Variants in PDE7B observed in about 807,000 individuals in gnomAD.
PDE7B encodes the protein phosphodiesterase 7B, also known as 3',5'-cyclic-AMP phosphodiesterase 7B.
Under a neutral mutation model 56.2 loss-of-function variants are expected in PDE7B, and 29 were observed. The observed-to-expected ratio is 0.52, with a 90% confidence interval of 0.38 to 0.70. The LOEUF (loss-of-function observed/expected upper bound fraction) is 0.70, where lower values mean the gene tolerates loss of function less well. Among genes scored for constraint, PDE7B ranks in the 30% least tolerant of loss-of-function variants. The pLI is 0.00. For synonymous variants in PDE7B, 197 were observed against 196.9 expected (o/e 1.00, Z 0.00); for missense variants, 490 against 565.0 (o/e 0.87, Z 1.35).
At chr6:135,987,082 A>G (rs756207025) in intron 2 of PDE7B, among the ~76,000 whole-genome samples, 12 of 152,340 alleles carry the variant, frequency 7.9e-5, no homozygotes, top group Admixed American at 1.3e-4. Flanking sequence ...CCTTTATCCA[A>G]AATAAATTAT....
chr6:135,853,798 TA>T (rs1280032089), intron 1 of PDE7B, among the ~76,000 whole-genome samples: 1 of 152,126 alleles, frequency 6.6e-6, no homozygotes, highest in Non-Finnish European at 1.5e-5. Context: ...GGCATTAATT[TA>T]GGGAAAATAA....
intron 1 of PDE7B, among the ~76,000 whole-genome samples, chr6:135,879,761 T>C (rs1775571104): frequency 6.6e-6 from 1 of 152,162 alleles, no homozygotes; most frequent in South Asian, 2.1e-4. Context: ...GGGATAGATC[T>C]TGTGCTTATG....
At chr6:135,932,273 T>C (rs11154830) in intron 1 of PDE7B, among the ~76,000 whole-genome samples, 40,801 of 152,012 alleles carry the variant, frequency 0.27, 6,355 homozygotes, top group Admixed American at 0.44. Context: ...CAATAATTAC[T>C]CAACTATACA....
chr6:135,987,802 G>A (rs1034375367), intron 2 of PDE7B, among the ~76,000 whole-genome samples: 1 of 151,954 alleles, frequency 6.6e-6, no homozygotes, highest in Non-Finnish European at 1.5e-5. Flanking sequence ...ATGAACATTT[G>A]CTGAAGAGGA....
chr6:136,016,764 G>GA (rs574679603), intron 2 of PDE7B, among the ~76,000 whole-genome samples: 28 of 148,164 alleles, frequency 1.9e-4, no homozygotes, highest in South Asian at 1.3e-3. Context: ...ACTTCTGGGA[G>GA]AAAAAAAAAA....
intron 2 of PDE7B, among the ~76,000 whole-genome samples, chr6:136,061,723 C>T (rs1265860711): frequency 6.6e-6 from 1 of 152,104 alleles, no homozygotes; most frequent in Admixed American, 6.6e-5. Flanking sequence ...GGCATAGTAC[C>T]ATGTTGGGTA....
rs556577052 is a variant in PDE7B at position 136,071,628 on chromosome 6, T to G, written c.83-37103T>G. ...CAGTTTTCTTACTGGAAAAATTATG[T>G]TAAAATTATATCACTCTAGCCAAGT... On this transcript the variant is annotated intron_variant, in intron 2 of 12. Coordinates refer to ENST00000308191, the MANE Select transcript of PDE7B (RefSeq NM_018945.4). 5.9e-5 allele frequency among the ~76,000 whole-genome samples: 9 copies of G among 152,288 alleles called. No homozygotes were observed. In the East Asian group the frequency reaches 1.7e-3, roughly 29 times the overall value.
chr6:136,048,304 A>G (rs1252718886), intron 2 of PDE7B, among the ~76,000 whole-genome samples: 1 of 152,104 alleles, frequency 6.6e-6, no homozygotes, highest in African/African-American at 2.4e-5. Context: ...CAGGTGGATC[A>G]CCTGAGGTCA....
intron 2 of PDE7B, among the ~76,000 whole-genome samples, chr6:135,959,844 G>A (rs1774865830): frequency 2.0e-5 from 3 of 152,110 alleles, no homozygotes; most frequent in Admixed American, 2.0e-4. Context: ...TGTGATCAGA[G>A]CTCGCTGCCT....
chr6:136,185,680 C>T (rs1038765713), intron 11 of PDE7B, among the ~76,000 whole-genome samples: 1 of 151,912 alleles, frequency 6.6e-6, no homozygotes, highest in African/African-American at 2.4e-5. Flanking sequence ...CAGGAGGATC[C>T]CTTGAGCTCA....
intron 2 of PDE7B, among the ~76,000 whole-genome samples, chr6:135,952,391 C>T (rs751285160): frequency 2.6e-5 from 4 of 152,042 alleles, no homozygotes; most frequent in Non-Finnish European, 5.9e-5. Context: ...CAGGGTAGAA[C>T]GAGACCTTCA....
At chr6:135,910,679 T>G (rs1158341532) in intron 1 of PDE7B, among the ~76,000 whole-genome samples, 2 of 152,150 alleles carry the variant, frequency 1.3e-5, no homozygotes, top group Non-Finnish European at 1.5e-5. Flanking sequence ...CAATCCTTCT[T>G]TATAGTGCCA....
At chr6:136,140,010 A>G (rs1778291515) in intron 3 of PDE7B, among the ~76,000 whole-genome samples, 1 of 152,286 alleles carries the variant, frequency 6.6e-6, no homozygotes, top group African/African-American at 2.4e-5. Flanking sequence ...TTTTGTTGCC[A>G]TTGCTTTTGG....
At chr6:136,010,923 G>A (rs548353746) in intron 2 of PDE7B, among the ~76,000 whole-genome samples, 3 of 152,154 alleles carry the variant, frequency 2.0e-5, no homozygotes, top group Non-Finnish European at 4.4e-5. Context: ...CAGAATTACT[G>A]CAAGGGAGGT....
chr6:135,870,938 A>G (rs1775366897), intron 1 of PDE7B, among the ~76,000 whole-genome samples: 1 of 151,392 alleles, frequency 6.6e-6, no homozygotes, highest in South Asian at 2.1e-4. Context: ...TGGTTTTCCC[A>G]TAGTGCTGCC....
intron 8 of PDE7B, among the ~76,000 whole-genome samples, chr6:136,168,919 C>T (rs1457764422): frequency 1.3e-5 from 2 of 152,174 alleles, no homozygotes; most frequent in Non-Finnish European, 1.5e-5. Context: ...TTGGCAAATT[C>T]AGTATAATTC....
At chr6:136,026,973 T>C (rs1007058818) in intron 2 of PDE7B, among the ~76,000 whole-genome samples, 1 of 152,216 alleles carries the variant, frequency 6.6e-6, no homozygotes, top group African/African-American at 2.4e-5. Context: ...GTAATATGGA[T>C]ATAATGGTAG....
chr6:135,858,364 GCTCGTC>G (rs1775078483), intron 1 of PDE7B, among the ~76,000 whole-genome samples: 1 of 152,070 alleles, frequency 6.6e-6, no homozygotes, highest in South Asian at 2.1e-4. Flanking sequence ...TGTTGGCCAG[GCTCGTC>G]TCAAACTCCT....
intron 2 of PDE7B, among the ~76,000 whole-genome samples, chr6:136,051,815 C>T (rs1776634833): frequency 6.6e-6 from 1 of 152,088 alleles, no homozygotes; most frequent in South Asian, 2.1e-4. Context: ...ACCTTTCGTT[C>T]GCTACCACCA....
Sources: allele counts gnomAD v4.1 joint callset (sites outside exome capture counted in the v4.1 genomes callset), GRCh38; gene constraint gnomAD v4.1.1; transcripts MANE v1.5; gene names NCBI Gene and HGNC (gene_info 2026-07-23, HGNC 2026-07-21).